NFIA: variants seen among roughly 807,000 people sequenced by gnomAD.
The protein encoded by NFIA is nuclear factor I A, also known as nuclear factor 1 A-type.
NFIA carries 8 observed loss-of-function variants against 62.8 expected under a neutral mutation model. The observed-to-expected ratio is 0.13, with a 90% CI of 0.07 to 0.23. NFIA has a LOEUF of 0.23. NFIA is among the 10% of genes least tolerant of loss of function. The pLI is 1.00. For missense variants in NFIA, 410 were observed against 642.1 expected (o/e 0.64, Z 3.91); for synonymous variants, 235 against 238.1 (o/e 0.99, Z 0.12).
chr1:61,081,664 A>AT (rs1390704042), upstream of NFIA: 14 of 496,918 alleles, frequency 2.8e-5, no homozygotes, highest in Non-Finnish European at 5.1e-5. Flanking sequence ...CCTGGGAGGG[A>AT]TAACGCTCAT....
chr1:61,333,774 G>T (rs1021873307), intron 4 of NFIA, among the ~76,000 whole-genome samples: 1 of 152,160 alleles, frequency 6.6e-6, no homozygotes. Flanking sequence ...GAGGCAGGTG[G>T]ATCACTTGAG....
rs577635334 is a variant in NFIA at position 61,088,745 on chromosome 1, G to T, written c.559+65G>T. The T allele has an allele frequency of 3.3e-6, 5 of 1,524,240 alleles. No homozygotes were observed. Among genetic ancestry groups the T allele is most frequent in the Non-Finnish European group, 8.8e-7 (1 of 1,137,486 alleles). The allele number at this position is 1,524,240 out of a possible 1,614,324, so 94.4% of individuals were successfully genotyped here. A position where few individuals can be genotyped will look rare whatever the true frequency, so the allele number is the denominator to read the frequency against. ...GTGTTTCTTTCCTGATGGCCTCCGC[G>T]TTATGCCGGATTCTTCCTGAGCTCC... On this transcript the variant is annotated intron_variant, in intron 2 of 10. Coordinates refer to ENST00000403491, the MANE Select transcript of NFIA (RefSeq NM_001134673.4). This position sits in a 1 kb window ranked among gnomAD's most constrained non-coding sequence, Gnocchi z 4.5.
intron 2 of NFIA, among the ~76,000 whole-genome samples, chr1:61,209,374 A>G (rs1213643994): frequency 6.6e-6 from 1 of 152,076 alleles, no homozygotes; most frequent in Non-Finnish European, 1.5e-5. Context: ...TTTTGTTATT[A>G]TTTATTTATT....
chr1:61,161,823 C>T (rs918684963), intron 2 of NFIA, among the ~76,000 whole-genome samples: 18 of 152,140 alleles, frequency 1.2e-4, no homozygotes, highest in African/African-American at 4.1e-4. Context: ...TATATTGGAA[C>T]GCTTTAACTT....
At chr1:61,252,268 G>A (rs1656091112) in intron 2 of NFIA, among the ~76,000 whole-genome samples, 1 of 152,084 alleles carries the variant, frequency 6.6e-6, no homozygotes, top group Non-Finnish European at 1.5e-5. Flanking sequence ...AATTTTCATG[G>A]CCAACAGTTA....
intron 2 of NFIA, among the ~76,000 whole-genome samples, chr1:61,155,701 A>G (rs1224638870): frequency 1.3e-5 from 2 of 150,950 alleles, no homozygotes; most frequent in Admixed American, 6.6e-5. Context: ...AAAAAAATCT[A>G]GAGTTGAAAT....
intron 2 of NFIA, among the ~76,000 whole-genome samples, chr1:61,236,253 A>C (rs1167313896): frequency 6.6e-6 from 1 of 152,118 alleles, no homozygotes; most frequent in East Asian, 1.9e-4. Flanking sequence ...AGAGCTGACA[A>C]ACCCAGTAGC....
At chr1:61,321,096 T>G (rs955948170) in intron 3 of NFIA, among the ~76,000 whole-genome samples, 1 of 151,948 alleles carries the variant, frequency 6.6e-6, no homozygotes. Context: ...AATGTTAATT[T>G]ATAGTGCATT....
At chr1:61,438,706 A>G (rs1667442207) in intron 10 of NFIA, among the ~76,000 whole-genome samples, 1 of 152,138 alleles carries the variant, frequency 6.6e-6, no homozygotes, top group Admixed American at 6.6e-5. Context: ...TTATAATTTC[A>G]TATTAAAAAA....
At chr1:61,205,176 A>G (rs144325705) in intron 2 of NFIA, among the ~76,000 whole-genome samples, 1 of 152,346 alleles carries the variant, frequency 6.6e-6, no homozygotes, top group Non-Finnish European at 1.5e-5. Context: ...ATCGAAGGCC[A>G]TACTGCTAGG....
At chr1:61,323,749 A>G (rs550545559) in intron 3 of NFIA, among the ~76,000 whole-genome samples, 7 of 152,338 alleles carry the variant, frequency 4.6e-5, no homozygotes, top group African/African-American at 1.4e-4. Context: ...TAGGTGAGCT[A>G]ACAAAAATTT....
chr1:61,125,807 C>T (rs1013844729), intron 2 of NFIA, among the ~76,000 whole-genome samples: 1 of 152,120 alleles, frequency 6.6e-6, no homozygotes, highest in Admixed American at 6.6e-5. Flanking sequence ...ATCACCTAAG[C>T]CTAGTTTTGC....
intron 2 of NFIA, among the ~76,000 whole-genome samples, chr1:61,143,624 CAA>C (rs1397092058): frequency 2.0e-5 from 3 of 152,128 alleles, no homozygotes; most frequent in Non-Finnish European, 4.4e-5. Flanking sequence ...CTTCTGGACT[CAA>C]GTGATCTGCC....
intron 4 of NFIA, among the ~76,000 whole-genome samples, chr1:61,342,716 T>A (rs544500847): frequency 3.8e-4 from 58 of 152,364 alleles, no homozygotes; most frequent in African/African-American, 1.4e-3. Context: ...ATTATTCTTC[T>A]ATTTAAACGT....
intron 3 of NFIA, among the ~76,000 whole-genome samples, chr1:61,283,723 G>T (rs1032779213): frequency 6.7e-6 from 1 of 149,342 alleles, no homozygotes; most frequent in Non-Finnish European, 1.5e-5. Context: ...TTTAAAAATT[G>T]TGGGCCTTCT....
intron 2 of NFIA, among the ~76,000 whole-genome samples, chr1:61,165,663 T>C (rs1649520991): frequency 6.6e-6 from 1 of 152,224 alleles, no homozygotes; most frequent in African/African-American, 2.4e-5. Context: ...GTAGATAAAT[T>C]GAGAAAAATA....
intron 3 of NFIA, among the ~76,000 whole-genome samples, chr1:61,286,340 A>G (rs1658495482): frequency 6.6e-6 from 1 of 150,874 alleles, no homozygotes; most frequent in African/African-American, 2.4e-5. Context: ...AGGCAGGAGA[A>G]TGGCATGAAC....
At chr1:61,184,079 T>C (rs1166502542) in intron 2 of NFIA, among the ~76,000 whole-genome samples, 3 of 143,802 alleles carry the variant, frequency 2.1e-5, no homozygotes, top group African/African-American at 7.9e-5. Flanking sequence ...GTGAGAAATC[T>C]GTTTCTACTC....
At chr1:61,421,355 A>AG (rs1306846142) in intron 9 of NFIA, among the ~76,000 whole-genome samples, 1 of 150,754 alleles carries the variant, frequency 6.6e-6, no homozygotes, top group African/African-American at 2.4e-5. Flanking sequence ...GGAGAGAGAG[A>AG]AAAAAAATGA....
Sources: allele counts gnomAD v4.1 joint callset (sites outside exome capture counted in the v4.1 genomes callset), GRCh38; gene constraint gnomAD v4.1.1; non-coding constraint Gnocchi (gnomAD v3.1); transcripts MANE v1.5; gene names NCBI Gene and HGNC (gene_info 2026-07-23, HGNC 2026-07-21).